SORCS2: variants seen among roughly 807,000 people sequenced by gnomAD.
The protein encoded by SORCS2 is sortilin related VPS10 domain containing receptor 2, also known as VPS10 domain-containing receptor SorCS2.
Under a neutral mutation model 141.6 loss-of-function variants are expected in SORCS2, and 100 were observed. The observed-to-expected ratio is 0.71, with a 90% CI of 0.60 to 0.83. The LOEUF is 0.83. Ranked by LOEUF, SORCS2 falls within the 40% of genes least tolerant of loss-of-function variation. SORCS2 has a pLI of 0.00. For missense variants in SORCS2, 1,646 were observed against 1,560.2 expected (o/e 1.05, Z -0.93); for synonymous variants, 789 against 676.9 (o/e 1.17, Z -2.57).
intron 1 of SORCS2, among the ~76,000 whole-genome samples, chr4:7,207,347 C>T (rs1040095147): frequency 6.6e-6 from 1 of 152,272 alleles, no homozygotes; most frequent in Non-Finnish European, 1.5e-5. Flanking sequence ...CTCCCGCCCA[C>T]ACAGCCTGGG....
intron 26 of SORCS2, among the ~76,000 whole-genome samples, chr4:7,737,976 G>C (rs1712331006): frequency 6.6e-6 from 1 of 152,252 alleles, no homozygotes; most frequent in African/African-American, 2.4e-5. Context: ...CTTCCTCCCA[G>C]CATGGCGGCT....
intron 4 of SORCS2, among the ~76,000 whole-genome samples, chr4:7,640,389 G>A (rs1475471063): frequency 1.6e-5 from 2 of 122,468 alleles, no homozygotes; most frequent in African/African-American, 8.0e-5. Flanking sequence ...TGAGTGTGTG[G>A]GTGTGTGAGT....
chr4:7,622,461 T>C (rs1353971173), intron 3 of SORCS2, among the ~76,000 whole-genome samples: 1 of 152,164 alleles, frequency 6.6e-6, no homozygotes, highest in Non-Finnish European at 1.5e-5. Context: ...GGGGCACAAC[T>C]GCAGTGATTC....
intron 2 of SORCS2, among the ~76,000 whole-genome samples, chr4:7,436,588 C>A (rs1727317052): frequency 6.6e-6 from 1 of 152,254 alleles, no homozygotes; most frequent in East Asian, 1.9e-4. Context: ...TAATGAAGGA[C>A]TTCTTGGCTC....
intron 1 of SORCS2, among the ~76,000 whole-genome samples, chr4:7,317,812 C>T (rs1289183853): frequency 1.3e-5 from 2 of 152,210 alleles, no homozygotes; most frequent in African/African-American, 2.4e-5. Context: ...TCACAGGCCA[C>T]CTCCACCATT....
At position 7,452,045 on chromosome 4, in the gene SORCS2, C is replaced by T. The variant is rs560654318; in HGVS notation, c.548+55690C>T. 6.7e-3 allele frequency among the ~76,000 whole-genome samples: 1,023 copies of T among 152,278 alleles called. 14 individuals carry two copies. Among genetic ancestry groups the T allele is most frequent in the Middle Eastern group, 0.02 (6 of 294 alleles). Reference sequence around the variant, plus strand: ...CAGCTGCCCGGCTCCTCCTGCTCTGCACAGCCTTCCCCTCACCACCATGAA... The same window carrying T: ...CAGCTGCCCGGCTCCTCCTGCTCTGTACAGCCTTCCCCTCACCACCATGAA... On this transcript the variant is annotated intron_variant, in intron 2 of 26. Coordinates refer to ENST00000507866, the MANE Select transcript of SORCS2 (RefSeq NM_020777.3).
intron 1 of SORCS2, among the ~76,000 whole-genome samples, chr4:7,321,542 C>A (rs1718894425): frequency 6.6e-6 from 1 of 152,198 alleles, no homozygotes; most frequent in South Asian, 2.1e-4. Context: ...TGGGAAGACA[C>A]CGGTGGATGA....
intron 1 of SORCS2, among the ~76,000 whole-genome samples, chr4:7,283,042 TTCAC>T (rs1363251278): frequency 6.6e-6 from 1 of 152,204 alleles, no homozygotes; most frequent in African/African-American, 2.4e-5. Context: ...CATCCATTCA[TTCAC>T]TCATTCATTC....
chr4:7,501,508 C>T (rs2109430833), intron 2 of SORCS2, among the ~76,000 whole-genome samples: 1 of 84,080 alleles, frequency 1.2e-5, no homozygotes, highest in East Asian at 9.3e-4. Context: ...GGCACCAGGG[C>T]TGGCGCTGGT....
intron 1 of SORCS2, among the ~76,000 whole-genome samples, chr4:7,283,533 C>T (rs1484597861): frequency 1.3e-5 from 2 of 152,182 alleles, no homozygotes; most frequent in African/African-American, 4.8e-5. Context: ...TTCAGAGTCT[C>T]AGCCATTCAC....
intron 4 of SORCS2, among the ~76,000 whole-genome samples, chr4:7,641,284 TAC>T (rs1720712453): frequency 6.6e-6 from 1 of 152,128 alleles, no homozygotes; most frequent in Admixed American, 6.5e-5. Context: ...TCAGGAAACT[TAC>T]AGTCATGGTG....
chr4:7,394,543 C>T (rs905653729), intron 1 of SORCS2, among the ~76,000 whole-genome samples: 1 of 147,312 alleles, frequency 6.8e-6, no homozygotes, highest in Non-Finnish European at 1.5e-5. Flanking sequence ...AAGAGCATCC[C>T]AGGGTGAGGA....
In SORCS2 at chr4:7,742,134, C is replaced by T. The variant is rs991233791; in HGVS notation, c.*1870C>T. On this transcript the variant is annotated 3_prime_UTR_variant, in exon 27 of 27. Coordinates refer to ENST00000507866, the MANE Select transcript of SORCS2 (RefSeq NM_020777.3). ...CTCCAGAGGCCACCCTACAAGTTGTCCTCAAGGTCATCCTGGAGATGGGAT... is the reference window on the plus strand; with the variant it reads ...CTCCAGAGGCCACCCTACAAGTTGTTCTCAAGGTCATCCTGGAGATGGGAT... The T allele has an allele frequency of 6.6e-6, 1 of 152,224 alleles. No homozygotes were observed. Among genetic ancestry groups the T allele is most frequent in the Non-Finnish European group, 1.5e-5 (1 of 68,072 alleles). 9.4% of individuals were successfully genotyped at this position (152,224 alleles called of 1,614,324 possible). A position where few individuals can be genotyped will look rare whatever the true frequency, so the allele number is the denominator to read the frequency against.
At chr4:7,321,327 C>G (rs1427104696) in intron 1 of SORCS2, among the ~76,000 whole-genome samples, 7 of 152,074 alleles carry the variant, frequency 4.6e-5, no homozygotes, top group Non-Finnish European at 1.0e-4. Flanking sequence ...ACCATATTTT[C>G]TTTATTCACT....
At position 7,714,409 on chromosome 4, in the gene SORCS2, G is replaced by A. The variant is rs376710464; in HGVS notation, c.2123+36G>A. 2.2e-4 allele frequency: 344 copies of A among 1,539,002 alleles called. 2 individuals carry two copies. In the African/African-American group the frequency reaches 4.1e-3, roughly 18 times the overall value. ...GGCTCCTGGCCACGAGGCCTCAGGC[G>A]CTGCTTGAGCATCCTCACAGCATGG... On this transcript the variant is annotated intron_variant, in intron 16 of 26. Transcript: ENST00000507866.
Position 7,192,718 on chromosome 4 carries a change from T to TCCG in SORCS2, c.83_85dup (p.Pro28dup), listed in dbSNP as rs988080736. The stretch of plus-strand genomic sequence containing the variant: ...CCGCCCGAGCCCCGAGCCCCGGGGC[T>TCCG]CCGCCGCCGCCGCGCTCGCCGCGCT... On this transcript the variant is annotated inframe_insertion, in exon 1 of 27. Coordinates refer to ENST00000507866, the MANE Select transcript of SORCS2 (RefSeq NM_020777.3). The surrounding 1 kb of genome is among the most constrained non-coding windows in gnomAD (Gnocchi z 4.0). The TCCG allele has an allele frequency of 2.5e-5, 25 of 989,160 alleles. No individual in the cohort carries two copies. Among genetic ancestry groups the TCCG allele is most frequent in the South Asian group, 9.0e-5 (2 of 22,182 alleles). 61.3% of individuals were successfully genotyped at this position (989,160 alleles called of 1,614,324 possible). A position where few individuals can be genotyped will look rare whatever the true frequency, so the allele number is the denominator to read the frequency against.
intron 3 of SORCS2, among the ~76,000 whole-genome samples, chr4:7,606,162 G>T (rs1167578750): frequency 1.3e-5 from 2 of 152,178 alleles, no homozygotes; most frequent in African/African-American, 4.8e-5. Flanking sequence ...CTGAGTTTCA[G>T]TGCCTTAGAT....
chr4:7,298,336 G>C (rs530698142), intron 1 of SORCS2, among the ~76,000 whole-genome samples: 1 of 152,192 alleles, frequency 6.6e-6, no homozygotes, highest in Non-Finnish European at 1.5e-5. Context: ...AAGGGAGTAT[G>C]GGAAGTTGGA....
intron 3 of SORCS2, among the ~76,000 whole-genome samples, chr4:7,598,748 C>G (rs1360264502): frequency 6.6e-6 from 1 of 152,244 alleles, no homozygotes; most frequent in African/African-American, 2.4e-5. Flanking sequence ...ACATAATATT[C>G]TTCAACCTCC....
Sources: allele counts gnomAD v4.1 joint callset (sites outside exome capture counted in the v4.1 genomes callset), GRCh38; gene constraint gnomAD v4.1.1; non-coding constraint Gnocchi (gnomAD v3.1); transcripts MANE v1.5; gene names NCBI Gene and HGNC (gene_info 2026-07-23, HGNC 2026-07-21).